Variants in RAPGEFL1 observed in about 807,000 individuals in gnomAD.
RAPGEFL1 encodes the protein rap guanine nucleotide exchange factor-like 1.
In RAPGEFL1, 31 loss-of-function variants were observed where a neutral mutation model predicts 64.4. That is an observed-to-expected ratio of 0.48 (90% CI 0.36 to 0.65). The LOEUF (loss-of-function observed/expected upper bound fraction) is 0.65. Ranked by LOEUF, RAPGEFL1 falls within the 30% of genes least tolerant of loss-of-function variation. The pLI is 0.00. For missense variants in RAPGEFL1, 682 were observed against 677.4 expected (o/e 1.01, Z -0.08); for synonymous variants, 331 against 274.1 (o/e 1.21, Z -2.05).
At chr17:40,182,754 A>C (rs1488992211) in intron 2 of RAPGEFL1, among the ~76,000 whole-genome samples, 1 of 152,172 alleles carries the variant, frequency 6.6e-6, no homozygotes, top group Non-Finnish European at 1.5e-5. Context: ...GCTAGAGAGG[A>C]GCCACTGGAT....
In RAPGEFL1 at chr17:40,188,949, C is replaced by T. The variant is rs750933714; in HGVS notation, c.917C>T (p.Thr306Ile). ...HFRRIDSCLQ[T>I]RVAFRGSDEI... ...CGCCGGATAGACTCCTGTCTGCAGA[C>T]CCGGGTGGCCTTCCGGGGCTCTGAT... Residue 306 changes from threonine (T) to isoleucine (I), a missense_variant, in exon 5 of 15, where the codon ACC becomes ATC. Coordinates refer to ENST00000620260, the MANE Select transcript of RAPGEFL1 (RefSeq NM_016339.6). 3 of 1,614,172 alleles carry T rather than the reference C, an allele frequency of 1.9e-6. No individual in the cohort carries two copies. In the South Asian group the frequency reaches 3.3e-5, roughly 18 times the overall value.
rs1990301039 is a variant in RAPGEFL1 at position 40,192,247 on chromosome 17, A to G, written c.1640A>G (p.Lys547Arg). 2 of 1,613,954 alleles carry G rather than the reference A, an allele frequency of 1.2e-6. No homozygotes were observed. Among genetic ancestry groups the G allele is most frequent in the Non-Finnish European group, 1.7e-6 (2 of 1,179,896 alleles). The stretch of plus-strand genomic sequence containing the variant: ...GGGAAATTCAAGAACTTGTTTCGCA[A>G]ATTTGAGAACCTGACGGTGAGTGGG... The part of the protein sequence containing the change: ...LPGKFKNLFR[K>R]FENLTDPCRN... The change falls in exon 11 of 15, where the codon AAA (lysine) becomes AGA (arginine). Residue 547 changes from lysine to arginine, a missense_variant. Physicochemically the swap from Lys to Arg is conservative, Grantham distance 26. Around this residue, in one of 2 missense-constraint regions of RAPGEFL1, gnomAD observed 411 missense variants for 519.4 expected, o/e 0.79. Transcript: ENST00000620260.
rs745372422 is a variant in RAPGEFL1 at position 40,184,512 on chromosome 17, C to T, written c.736-69C>T. 9.3e-5 allele frequency: 110 copies of T among 1,184,992 alleles called. No homozygotes were observed. The Middle Eastern group carries it at 9.8e-4, about 11-fold the overall frequency. 73.4% of individuals were successfully genotyped at this position (1,184,992 alleles called of 1,614,324 possible). On this transcript the variant is annotated intron_variant, in intron 3 of 14. Transcript: ENST00000620260. ...TGCTTAAAGGTATGGAGACCTTGCC[C>T]GGCCCCTGCAGAGAGTAGCCCTTGG...
At position 40,192,744 on chromosome 17, in the gene RAPGEFL1, C is replaced by T. The variant is rs185368344; in HGVS notation, c.1744+51C>T. On this transcript the variant is annotated intron_variant, in intron 12 of 14. Transcript: ENST00000620260. ...CCGCTTCCACCCATGCTTCCCTTCT[C>T]CTATGCCCTGCTTCTGACTTCCAGC... is the stretch of plus-strand genomic sequence containing the variant. The T allele has an allele frequency of 1.4e-3, 2,206 of 1,539,426 alleles. 12 individuals carry two copies. In the Middle Eastern group the frequency reaches 0.028, roughly 20 times the overall value.
At chr17:40,183,902 G>T (rs1989977515) in intron 2 of RAPGEFL1, among the ~76,000 whole-genome samples, 1 of 134,158 alleles carries the variant, frequency 7.5e-6, no homozygotes, top group South Asian at 2.4e-4. Context: ...GGAGTGCAAT[G>T]GTGCGACTTT....
In RAPGEFL1 at chr17:40,192,597, G is replaced by T; in HGVS notation, c.1657-9G>T. The T allele has an allele frequency of 6.2e-7, 1 of 1,608,778 alleles. No homozygotes were observed. Among genetic ancestry groups the T allele is most frequent in the Non-Finnish European group, 8.5e-7 (1 of 1,176,070 alleles). ...TCTGTCCCTTGATCTCTCTCCTGTG[G>T]AATACTAGGACCCCTGCAGGAACCA... On this transcript the variant is annotated splice_polypyrimidine_tract_variant and intron_variant, in intron 11 of 14. Coordinates refer to ENST00000620260, the MANE Select transcript of RAPGEFL1 (RefSeq NM_016339.6).
chr17:40,190,906 C>G, intron 8 of RAPGEFL1, 144 bp downstream of exon 8: 1 of 1,331,178 alleles, frequency 7.5e-7, no homozygotes, highest in East Asian at 2.4e-5. Context: ...CTTTGTTCCC[C>G]CATCTGAAAA....
At position 40,193,746 on chromosome 17, in the gene RAPGEFL1, C is replaced by T; in HGVS notation, c.1947C>T (p.Leu649=). The change falls in exon 15 of 15, where the codon CTC becomes CTT. Residue 649 remains leucine, a synonymous_variant. Coordinates refer to ENST00000620260, the MANE Select transcript of RAPGEFL1 (RefSeq NM_016339.6). ...TTCAGGTCATCGACAACCAGAACCTCCTCTTCGAGCTCTCCTACAAGCTGG... is the reference window on the plus strand; with the variant it reads ...TTCAGGTCATCGACAACCAGAACCTTCTCTTCGAGCTCTCCTACAAGCTGG... The part of the protein sequence containing the change: ...RQFQVIDNQN[L]LFELSYKLEA... 1 of 1,614,118 alleles carries T rather than the reference C, an allele frequency of 6.2e-7. No homozygotes were observed. Among genetic ancestry groups the T allele is most frequent in the Non-Finnish European group, 8.5e-7 (1 of 1,180,016 alleles).
At chr17:40,184,186 T>G in intron 2 of RAPGEFL1, 28 bp from the exon 3 acceptor site, 6 of 1,494,876 alleles carry the variant, frequency 4.0e-6, no homozygotes, top group Non-Finnish European at 5.6e-6. Context: ...TCTGCTTGCG[T>G]AGGGATTTTT....
Position 40,190,642 on chromosome 17 carries a change from G to T in RAPGEFL1, c.1215G>T (p.Val405=), listed in dbSNP as rs896455556. The T allele has an allele frequency of 1.2e-6, 2 of 1,613,960 alleles. No homozygotes were observed. Among genetic ancestry groups the T allele is most frequent in the African/African-American group, 1.3e-5 (1 of 74,932 alleles). Residue 405 remains valine, a splice_region_variant and synonymous_variant, in exon 8 of 15, where the codon GTG becomes GTT. Coordinates refer to ENST00000620260, the MANE Select transcript of RAPGEFL1 (RefSeq NM_016339.6). ...ACTRDSYEAL[V]PLPEEIQVSP... ...CCTATGCCCCTGCCTGCCACCAGGT[G>T]CCCCTCCCCGAGGAGATCCAGGTCT...
chr17:40,191,239 G>T lies in RAPGEFL1; in HGVS notation c.1336-77G>T. 7.5e-7 allele frequency: 1 copy of T among 1,330,412 alleles called. No individual in the cohort carries two copies. 82.4% of individuals were successfully genotyped at this position (1,330,412 alleles called of 1,614,324 possible). A position where few individuals can be genotyped will look rare whatever the true frequency, so the allele number is the denominator to read the frequency against. On this transcript the variant is annotated intron_variant, in intron 8 of 14. Transcript: ENST00000620260. The surrounding 1 kb of genome is among the most constrained non-coding windows in gnomAD (Gnocchi z 5.1). ...GCCCTCCTGCCTTTCGCTCCTCATCGCCTTGCACTGCCATCTTCCCACCCA... is the reference window on the plus strand; with the variant it reads ...GCCCTCCTGCCTTTCGCTCCTCATCTCCTTGCACTGCCATCTTCCCACCCA...
In RAPGEFL1 at chr17:40,192,155, C is replaced by T. The variant is rs1990296918; in HGVS notation, c.1606-58C>T. 2.7e-6 allele frequency: 4 copies of T among 1,504,108 alleles called. No individual in the cohort carries two copies. In the East Asian group the frequency reaches 6.8e-5, roughly 26 times the overall value. The allele number at this position is 1,504,108 out of a possible 1,614,324, so 93.2% of individuals were successfully genotyped here. A position where few individuals can be genotyped will look rare whatever the true frequency, so the allele number is the denominator to read the frequency against. On this transcript the variant is annotated intron_variant, in intron 10 of 14. Coordinates refer to ENST00000620260, the MANE Select transcript of RAPGEFL1 (RefSeq NM_016339.6). ...AACAGGGAGAATTAATCCGAGGCTC[C>T]CATGTAACCCAAGGAGCTCCACTCT... is the stretch of plus-strand genomic sequence containing the variant.
intron 3 of RAPGEFL1, 56 bp from the exon 4 acceptor site, chr17:40,184,525 G>C (rs1007928164): frequency 8.0e-7 from 1 of 1,255,666 alleles, no homozygotes; most frequent in Non-Finnish European, 1.1e-6. Context: ...CCCCTGCAGA[G>C]AGTAGCCCTT....
chr17:40,185,560 C>T (rs1990039193), intron 4 of RAPGEFL1, among the ~76,000 whole-genome samples: 1 of 148,678 alleles, frequency 6.7e-6, no homozygotes. Context: ...CCAAGGCAGG[C>T]AGATCATGAG....
intron 6 of RAPGEFL1, 62 bp downstream of exon 6, chr17:40,189,437 T>C: frequency 6.4e-7 from 1 of 1,571,400 alleles, no homozygotes; most frequent in Non-Finnish European, 8.7e-7. Flanking sequence ...CTCAGGGCTC[T>C]GGGGGAGGGG....
intron 2 of RAPGEFL1, among the ~76,000 whole-genome samples, chr17:40,183,411 T>C (rs1371559357): frequency 2.6e-5 from 4 of 151,958 alleles, no homozygotes; most frequent in African/African-American, 9.7e-5. Context: ...GGCTGGGGCA[T>C]GAGGAGGTCT....
chr17:40,181,034 T>G (rs1471647593), intron 1 of RAPGEFL1, among the ~76,000 whole-genome samples: 2 of 152,234 alleles, frequency 1.3e-5, no homozygotes, highest in Non-Finnish European at 2.9e-5. Flanking sequence ...CATTCCATCA[T>G]TAACCCTTCT....
upstream of RAPGEFL1, chr17:40,177,401 G>A (rs1989740013): frequency 5.8e-6 from 4 of 683,974 alleles, no homozygotes; most frequent in Non-Finnish European, 1.1e-5. Flanking sequence ...GCGCGGGGGC[G>A]AGCCGAGGAA....
chr17:40,179,716 G>T (rs1989836863), intron 1 of RAPGEFL1, among the ~76,000 whole-genome samples: 1 of 152,152 alleles, frequency 6.6e-6, no homozygotes, highest in East Asian at 1.9e-4. Flanking sequence ...GCCCAGGAGG[G>T]TCTGAGGTTT....
Sources: gnomAD v4.1 joint callset for allele counts (sites outside exome capture counted in the v4.1 genomes callset) on GRCh38, gnomAD v4.1.1 for gene constraint, gnomAD v4.1.1 regional missense constraint, Gnocchi (gnomAD v3.1) non-coding constraint, MANE v1.5 for transcripts, NCBI Gene and HGNC (gene_info 2026-07-23, HGNC 2026-07-21) for gene names.